The following PRIM2 variants were observed in gnomAD, a reference collection of about 807,000 sequenced individuals.
PRIM2 encodes the protein DNA primase subunit 2.
A neutral mutation model predicts 67.3 loss-of-function variants in PRIM2; 39 were observed. The ratio of observed to expected loss-of-function variants is 0.58; its 90% CI spans 0.45 to 0.76. The LOEUF (loss-of-function observed/expected upper bound fraction) is 0.76. PRIM2 is among the 30% of genes least tolerant of loss of function. The pLI, the probability that PRIM2 is intolerant of heterozygous loss-of-function variation, is 0.00. For missense variants in PRIM2, 398 were observed against 598.7 expected, an observed-to-expected ratio of 0.66 and a Z score of 3.50; for synonymous variants, 143 against 198.7, an observed-to-expected ratio of 0.72 and a Z score of 2.36.
At chr6:57,269,316 G>T in the PRIM2 span, among the ~76,000 whole-genome samples, 1 of 152,036 alleles carries the variant, frequency 6.6e-6, no homozygotes, top group South Asian at 2.1e-4. Flanking sequence ...ACTTTTTAAT[G>T]ATCGCCATTC....
At chr6:57,480,949 A>G (rs1773610196) in intron 7 of PRIM2, among the ~76,000 whole-genome samples, 1 of 152,170 alleles carries the variant, frequency 6.6e-6, no homozygotes, top group Admixed American at 6.5e-5. Context: ...TTCTTATTTC[A>G]AGAATATTAT....
intron 10 of PRIM2, among the ~76,000 whole-genome samples, chr6:57,567,175 A>T (rs1377213366): frequency 6.6e-6 from 1 of 152,152 alleles, no homozygotes; most frequent in African/African-American, 2.4e-5. Context: ...AAAAAAAAAT[A>T]TTGTAATAAT....
chr6:57,397,291 C>T (rs1360306205), intron 7 of PRIM2, among the ~76,000 whole-genome samples: 1 of 152,138 alleles, frequency 6.6e-6, no homozygotes, highest in Non-Finnish European at 1.5e-5. Context: ...TCTTCTTTCT[C>T]AGGAACACTG....
chr6:57,324,229 G>A lies in PRIM2; in HGVS notation c.287G>A (p.Arg96Gln). ...AACTTAGAAGATGAATATGAACCAC[G>A]AAGAAGAGATCATATTTCTCATTTT... ...RENLEDEYEP[R>Q]RRDHISHFIL... Residue 96 changes from arginine (R) to glutamine (Q), a missense_variant, in exon 4 of 14, where the codon CGA (arginine) becomes CAA (glutamine). By Grantham distance (43) the Arg-to-Gln change is conservative. This residue lies in a region of PRIM2 where 229 missense variants were observed against 383.6 expected (regional missense o/e 0.60). Coordinates refer to ENST00000615550, the MANE Select transcript of PRIM2 (RefSeq NM_000947.5). 3.7e-6 allele frequency: 6 copies of A among 1,604,254 alleles called. No homozygotes were observed. The highest frequency in any genetic ancestry group is 5.1e-6 in the Non-Finnish European group (6 of 1,173,378).
intron 5 of PRIM2, among the ~76,000 whole-genome samples, chr6:57,336,939 A>C (rs1219781238): frequency 6.6e-6 from 1 of 152,148 alleles, no homozygotes; most frequent in Admixed American, 6.5e-5. Context: ...GTCAAGACCC[A>C]TCAGTGTGCT....
the PRIM2 span, among the ~76,000 whole-genome samples, chr6:57,255,391 G>A: frequency 6.6e-6 from 1 of 151,816 alleles, no homozygotes; most frequent in African/African-American, 2.4e-5. Context: ...CCAGCTACTC[G>A]GGAGGCTGAT....
intron 7 of PRIM2, among the ~76,000 whole-genome samples, chr6:57,415,663 A>C (rs1350071358): frequency 6.6e-6 from 1 of 152,202 alleles, no homozygotes; most frequent in East Asian, 1.9e-4. Context: ...CAAAAGAATG[A>C]GAGTCTGTCC....
chr6:57,624,849 A>T (rs1776919378), intron 12 of PRIM2, among the ~76,000 whole-genome samples: 1 of 152,242 alleles, frequency 6.6e-6, no homozygotes, highest in South Asian at 2.1e-4. Context: ...CACTTTATAA[A>T]GAAAAAAAGG....
chr6:57,640,230 A>G (rs1373748393), intron 13 of PRIM2, among the ~76,000 whole-genome samples: 2 of 152,148 alleles, frequency 1.3e-5, no homozygotes, highest in Non-Finnish European at 2.9e-5. Context: ...TTGATGGCAC[A>G]TATCTCAAAA....
intron 7 of PRIM2, among the ~76,000 whole-genome samples, chr6:57,414,590 A>G (rs12199424): frequency 0.25 from 37,690 of 152,002 alleles, 5,776 homozygotes; most frequent in South Asian, 0.44. Context: ...AATTCCATAT[A>G]TGAATCTTTT....
At chr6:57,343,425 G>A (rs1768561166) in intron 5 of PRIM2, among the ~76,000 whole-genome samples, 1 of 152,190 alleles carries the variant, frequency 6.6e-6, no homozygotes. Flanking sequence ...CAATTTTTGT[G>A]TGATGCCTGC....
the PRIM2 span, among the ~76,000 whole-genome samples, chr6:57,231,021 C>T: frequency 6.6e-6 from 1 of 152,172 alleles, no homozygotes; most frequent in African/African-American, 2.4e-5. Flanking sequence ...CCTAAGGATC[C>T]ACCTCTTGAG....
chr6:57,584,404 A>G (rs1190746216), intron 10 of PRIM2, among the ~76,000 whole-genome samples: 1 of 152,214 alleles, frequency 6.6e-6, no homozygotes, highest in African/African-American at 2.4e-5. Context: ...ATGAGTGGCC[A>G]CATCAGTTTA....
chr6:57,355,173 G>A (rs1445836636), intron 5 of PRIM2, among the ~76,000 whole-genome samples: 23 of 152,168 alleles, frequency 1.5e-4, no homozygotes, highest in Admixed American at 2.6e-4. Context: ...ATGTGGTGGC[G>A]GGCGCCTGCA....
the PRIM2 span, among the ~76,000 whole-genome samples, chr6:57,261,762 C>T: frequency 6.6e-6 from 1 of 152,166 alleles, no homozygotes; most frequent in Non-Finnish European, 1.5e-5. Context: ...CCCATTCCCT[C>T]CCTGCTTTGG....
chr6:57,518,325 A>G lies in PRIM2; in HGVS notation c.761+10871A>G, dbSNP rs1340807835. Among the ~76,000 whole-genome samples, 119 of 152,298 alleles carry G rather than the reference A, an allele frequency of 7.8e-4. 4 individuals are homozygous for G. The East Asian group carries it at 0.022, about 29-fold the overall frequency. ...ACTGAGGTGTGTCCTTAATCATCCA[A>G]TGTAAAGTCACCCTCACAAGTGCTT... is the stretch of plus-strand genomic sequence containing the variant. On this transcript the variant is annotated intron_variant, in intron 8 of 13. Transcript: ENST00000615550.
intron 10 of PRIM2, among the ~76,000 whole-genome samples, chr6:57,592,701 G>A (rs1335177269): frequency 3.3e-5 from 5 of 151,886 alleles, no homozygotes; most frequent in Non-Finnish European, 5.9e-5. Flanking sequence ...TGAGGCAGGA[G>A]AATGGCTTGA....
At chr6:57,250,360 G>A in the PRIM2 span, among the ~76,000 whole-genome samples, 1 of 151,928 alleles carries the variant, frequency 6.6e-6, no homozygotes, top group Non-Finnish European at 1.5e-5. Flanking sequence ...GGTATAAAAA[G>A]TAAAATAAAA....
chr6:57,443,819 TAA>T (rs112737603), intron 7 of PRIM2, among the ~76,000 whole-genome samples: 1 of 149,310 alleles, frequency 6.7e-6, no homozygotes, highest in Non-Finnish European at 1.5e-5. Context: ...GGGGTCAAAT[TAA>T]AAAAAAAAGT....
Sources: allele counts gnomAD v4.1 joint callset (sites outside exome capture counted in the v4.1 genomes callset), GRCh38; gene constraint gnomAD v4.1.1; regional missense constraint gnomAD v4.1.1; transcripts MANE v1.5; gene names NCBI Gene and HGNC (gene_info 2026-07-23, HGNC 2026-07-21).